Variants in PRR36 observed in about 807,000 individuals in gnomAD.
The protein encoded by PRR36 is proline-rich protein 36.
PRR36 carries 30 observed loss-of-function variants against 58.6 expected under a neutral mutation model. The observed-to-expected ratio is 0.51, with a 90% confidence interval of 0.38 to 0.69. The LOEUF is 0.69. Among genes scored for constraint, PRR36 ranks in the 30% least tolerant of loss-of-function variants. The pLI is 0.00. For synonymous variants in PRR36, 771 were observed against 829.3 expected (o/e 0.93, Z 1.21); for missense variants, 1,692 against 1,805.6 (o/e 0.94, Z 1.14).
At position 7,870,113 on chromosome 19, in the gene PRR36, G is replaced by A; in HGVS notation, c.3131C>T (p.Ser1044Phe). 6.7e-7 allele frequency: 1 copy of A among 1,484,718 alleles called. No individual in the cohort carries two copies. Among genetic ancestry groups the A allele is most frequent in the Non-Finnish European group, 8.9e-7 (1 of 1,124,338 alleles). 92.0% of individuals were successfully genotyped at this position (1,484,718 alleles called of 1,614,324 possible). Residue 1044 changes from serine to phenylalanine, a missense_variant, in exon 5 of 6, where the codon TCT becomes TTT. Physicochemically the swap from Ser to Phe is radical, Grantham distance 155. Transcript: ENST00000618550. The stretch of plus-strand genomic sequence containing the variant: ...CTGTGGAGGAGGCGTGGCCAAAGGA[G>A]ACATTGGGAGTGAGGCAGAGGGTGA... ...PFSPSASLPM[S>F]PLATPPPQAP...
rs188777760 is a variant in PRR36 at position 7,873,263 on chromosome 19, G to A, written c.308C>T (p.Ala103Val). Residue 103 changes from alanine (A) to valine (V), a missense_variant, in exon 3 of 6, where the codon GCT becomes GTT. By Grantham distance (64) the Ala-to-Val change is moderately conservative. This residue lies in a region of PRR36 where 975 missense variants were observed against 955.2 expected (regional missense o/e 1.02). Coordinates refer to ENST00000618550, the MANE Select transcript of PRR36 (RefSeq NM_001190467.2). This position sits in a 1 kb window ranked among gnomAD's most constrained non-coding sequence, Gnocchi z 5.0. ...TGGGCTGGTGTTCTTGGCAGGAGGA[G>A]CTCTCTCCCCTCTCCCAGAGGCTGG... ...RPPASGRGERAPPAKNTSPGP... is the reference protein window; with the variant it reads ...RPPASGRGERVPPAKNTSPGP... 6.5e-7 allele frequency: 1 copy of A among 1,535,940 alleles called. No homozygotes were observed.
At position 7,870,775 on chromosome 19, in the gene PRR36, G is replaced by T; in HGVS notation, c.2469C>A (p.Pro823=). Residue 823 remains proline (P), a synonymous_variant, in exon 5 of 6, where the codon CCC becomes CCA. Coordinates refer to ENST00000618550, the MANE Select transcript of PRR36 (RefSeq NM_001190467.2). ...PPQAPPALAS[P]PLQGLPSPPL... is the part of the protein sequence containing the mutation. ...GGGGAGAGGGCAGGCCCTGCAAAGG[G>T]GGTGAGGCCAGAGCAGGTGGGGCCT... 1 of 1,411,344 alleles carries T rather than the reference G, an allele frequency of 7.1e-7. No homozygotes were observed. Among genetic ancestry groups the T allele is most frequent in the Non-Finnish European group, 9.2e-7 (1 of 1,087,004 alleles). 87.4% of individuals were successfully genotyped at this position (1,411,344 alleles called of 1,614,324 possible).
chr19:7,870,964 T>C lies in PRR36; in HGVS notation c.2280A>G (p.Leu760=). 1 of 1,287,944 alleles carries C rather than the reference T, an allele frequency of 7.8e-7. No individual in the cohort carries two copies. Among genetic ancestry groups the C allele is most frequent in the Non-Finnish European group, 1.0e-6 (1 of 999,614 alleles). 79.8% of individuals were successfully genotyped at this position (1,287,944 alleles called of 1,614,324 possible). ...GCAGAGGAGGCGGGGCTAGAGAAGG[T>C]AGGTTCTCCAGAGGGGGTGTGGTCA... is the stretch of plus-strand genomic sequence containing the variant. ...APLTTPPLEN[L]PSLAPPPLQT... The change falls in exon 5 of 6, where the codon CTA becomes CTG. Residue 760 remains leucine (L), a synonymous_variant. Coordinates refer to ENST00000618550, the MANE Select transcript of PRR36 (RefSeq NM_001190467.2).
At position 7,869,454 on chromosome 19, in the gene PRR36, G is replaced by A. The variant is rs1300906504; in HGVS notation, c.3620C>T (p.Thr1207Ile). The change falls in exon 6 of 6, where the codon ACC becomes ATC. Residue 1207 changes from threonine to isoleucine, a missense_variant. Thr to Ile is a moderately conservative substitution (Grantham distance 89, BLOSUM62 -1). This residue lies in a region of PRR36 where 485 missense variants were observed against 549.2 expected (regional missense o/e 0.88). Coordinates refer to ENST00000618550, the MANE Select transcript of PRR36 (RefSeq NM_001190467.2). Reference protein sequence around the residue: ...IYETEGPESATPAPGALDPGP... With the variant: ...IYETEGPESAIPAPGALDPGP... ...CGGATCCAGTGCGCCAGGGGCGGGG[G>A]TCGCCGACTCGGGCCCTTCAGTCTC... 1.5e-5 allele frequency: 23 copies of A among 1,503,268 alleles called. No individual in the cohort carries two copies. The highest frequency in any genetic ancestry group is 8.7e-5 in the African/African-American group (6 of 68,954). The allele number at this position is 1,503,268 out of a possible 1,614,324, so 93.1% of individuals were successfully genotyped here.
Position 7,870,015 on chromosome 19 carries a change from GGGCC to G in PRR36, c.3225_3228del (p.Gln1075HisfsTer19). 7.1e-7 allele frequency: 1 copy of G among 1,415,148 alleles called. No individual in the cohort carries two copies. The highest frequency in any genetic ancestry group is 9.2e-7 in the Non-Finnish European group (1 of 1,090,524). The allele number at this position is 1,415,148 out of a possible 1,614,324, so 87.7% of individuals were successfully genotyped here. On this transcript the variant is annotated frameshift_variant, in exon 5 of 6. Transcript: ENST00000618550. LOFTEE classifies it high-confidence loss of function. ...GGACCCGGGGTCGGGGGGCGGCGTGGGGCCTGCAGGGTGGGTGAGGCAGGGGGAG... is the reference window on the plus strand; with the variant it reads ...GGACCCGGGGTCGGGGGGCGGCGTGGTGCAGGGTGGGTGAGGCAGGGGGAG...
rs928096715 is a variant in PRR36 at position 7,872,451 on chromosome 19, C to T, written c.793G>A (p.Ala265Thr). 2.1e-6 allele frequency: 3 copies of T among 1,460,780 alleles called. No individual in the cohort carries two copies. The African/African-American group carries it at 4.3e-5, about 21-fold the overall frequency. The allele number at this position is 1,460,780 out of a possible 1,614,324, so 90.5% of individuals were successfully genotyped here. ...SGPSARGTPR[A>T]PAHPSQPKPK... ...TTGGGCTGCGAGGGATGCGCAGGAGCCCTGGGTGTTCCGCGGGCTGAGGGC... is the reference window on the plus strand; with the variant it reads ...TTGGGCTGCGAGGGATGCGCAGGAGTCCTGGGTGTTCCGCGGGCTGAGGGC... Residue 265 changes from alanine (A) to threonine (T), a missense_variant, in exon 5 of 6, where the codon GCT (alanine) becomes ACT (threonine). By Grantham distance (58) the Ala-to-Thr change is moderately conservative (BLOSUM62 0). Around this residue, in one of 5 missense-constraint regions of PRR36, gnomAD observed 975 missense variants for 955.2 expected, o/e 1.02. Transcript: ENST00000618550. The surrounding 1 kb of genome is among the most constrained non-coding windows in gnomAD (Gnocchi z 6.1).
At position 7,872,286 on chromosome 19, in the gene PRR36, G is replaced by T; in HGVS notation, c.958C>A (p.Pro320Thr). The T allele has an allele frequency of 1.4e-6, 2 of 1,457,428 alleles. No homozygotes were observed. Among genetic ancestry groups the T allele is most frequent in the Non-Finnish European group, 1.8e-6 (2 of 1,111,214 alleles). 90.3% of individuals were successfully genotyped at this position (1,457,428 alleles called of 1,614,324 possible). A position where few individuals can be genotyped will look rare whatever the true frequency, so the allele number is the denominator to read the frequency against. Residue 320 changes from proline (P) to threonine (T), a missense_variant, in exon 5 of 6, where the codon CCC becomes ACC. By Grantham distance (38) the Pro-to-Thr change is conservative. Transcript: ENST00000618550. This position sits in a 1 kb window ranked among gnomAD's most constrained non-coding sequence, Gnocchi z 6.1. The part of the protein sequence containing the change: ...SGTKARPVPP[P>T]DNAATPLPAT... The stretch of plus-strand genomic sequence containing the variant: ...GGCAGGGGAGTGGCTGCATTGTCGG[G>T]AGGCGGTACGGGTCTTGCCTTGGTA...
Position 7,873,770 on chromosome 19 carries a change from C to T in PRR36, c.-7-74G>A, listed in dbSNP as rs1980582950. ...CCTCCAGAGACCTGGACCCTGCTAC[C>T]TCACTGCCCTTTCGCAGCATCGCCA... On this transcript the variant is annotated intron_variant, in intron 1 of 5. Transcript: ENST00000618550. This position sits in a 1 kb window ranked among gnomAD's most constrained non-coding sequence, Gnocchi z 5.0. 2.2e-6 allele frequency: 3 copies of T among 1,393,694 alleles called. No individual in the cohort carries two copies. The East Asian group carries it at 7.5e-5, about 35-fold the overall frequency. The allele number at this position is 1,393,694 out of a possible 1,614,324, so 86.3% of individuals were successfully genotyped here. A position where few individuals can be genotyped will look rare whatever the true frequency, so the allele number is the denominator to read the frequency against.
chr19:7,872,046 T>C lies in PRR36; in HGVS notation c.1198A>G (p.Thr400Ala), dbSNP rs1275475820. Residue 400 changes from threonine to alanine, a missense_variant, in exon 5 of 6, where the codon ACA (threonine) becomes GCA (alanine). Physicochemically the swap from Thr to Ala is moderately conservative, Grantham distance 58. Transcript: ENST00000618550. The surrounding 1 kb of genome is among the most constrained non-coding windows in gnomAD (Gnocchi z 6.1). ...PATPPSQVPP[T>A]QLIMSFPEAG... ...TCTGGAAAGGACATAATCAGCTGTG[T>C]GGGTGGAACTTGCGAGGGGGGCGTG... The C allele has an allele frequency of 1.2e-5, 18 of 1,524,080 alleles. No individual in the cohort carries two copies. In the Admixed American group the frequency reaches 2.4e-4, roughly 20 times the overall value. The allele number at this position is 1,524,080 out of a possible 1,614,324, so 94.4% of individuals were successfully genotyped here.
chr19:7,869,559 G>A lies in PRR36; in HGVS notation c.3530-15C>T, dbSNP rs1409258881. The A allele has an allele frequency of 4.0e-6, 6 of 1,516,052 alleles. No homozygotes were observed. The highest frequency in any genetic ancestry group is 1.2e-5 in the South Asian group (1 of 82,848). The allele number at this position is 1,516,052 out of a possible 1,614,324, so 93.9% of individuals were successfully genotyped here. A position where few individuals can be genotyped will look rare whatever the true frequency, so the allele number is the denominator to read the frequency against. On this transcript the variant is annotated splice_polypyrimidine_tract_variant and intron_variant, in intron 5 of 5. Transcript: ENST00000618550. ...CAGGGGCGCACCTGCGGGGAGAGAC[G>A]CCAGGTGGGCCGTGGGGGTGATAAG...
At position 7,870,657 on chromosome 19, in the gene PRR36, G is replaced by C. The variant is rs554543027; in HGVS notation, c.2587C>G (p.Pro863Ala). Reference sequence around the variant, plus strand: ...GAGGGTGTGGCCAAAGGAGACAGAGGGGGTGAGGCAGGGGGAGAGGGAGGG... The same window carrying C: ...GAGGGTGTGGCCAAAGGAGACAGAGCGGGTGAGGCAGGGGGAGAGGGAGGG... Reference protein sequence around the residue: ...QAPPSPPASPPLSPLATPSPQ... With the variant: ...QAPPSPPASPALSPLATPSPQ... The change falls in exon 5 of 6, where the codon CCT (proline) becomes GCT (alanine). Residue 863 changes from proline to alanine, a missense_variant. Physicochemically the swap from Pro to Ala is conservative, Grantham distance 27. Coordinates refer to ENST00000618550, the MANE Select transcript of PRR36 (RefSeq NM_001190467.2). 12 of 1,367,086 alleles carry C rather than the reference G, an allele frequency of 8.8e-6. 1 individual carries two copies. In the Middle Eastern group the frequency reaches 5.8e-4, roughly 66 times the overall value. 84.7% of individuals were successfully genotyped at this position (1,367,086 alleles called of 1,614,324 possible). A position where few individuals can be genotyped will look rare whatever the true frequency, so the allele number is the denominator to read the frequency against.
chr19:7,873,387 G>A lies in PRR36; in HGVS notation c.271+32C>T, dbSNP rs1980555560. ...AGGTATTGGAAGGGGGAGGGAAGAT[G>A]GGGGCGGAGCTGAGGAAGGAGGCTG... On this transcript the variant is annotated intron_variant, in intron 2 of 5. Transcript: ENST00000618550. This position sits in a 1 kb window ranked among gnomAD's most constrained non-coding sequence, Gnocchi z 5.0. 3 of 1,517,766 alleles carry A rather than the reference G, an allele frequency of 2.0e-6. No homozygotes were observed. Among genetic ancestry groups the A allele is most frequent in the East Asian group, 2.5e-5 (1 of 40,590 alleles). The allele number at this position is 1,517,766 out of a possible 1,614,324, so 94.0% of individuals were successfully genotyped here. A position where few individuals can be genotyped will look rare whatever the true frequency, so the allele number is the denominator to read the frequency against.
In PRR36 at chr19:7,870,004, G is replaced by C; in HGVS notation, c.3240C>G (p.Pro1080=). ...CGGAGGTATCCGGACCCGGGGTCGG[G>C]GGGCGGCGTGGGGCCTGCAGGGTGG... ...ASPTLQAPRR[P]PTPGPDTSVS... is the part of the protein sequence containing the mutation. The change falls in exon 5 of 6, where the codon CCC becomes CCG. Residue 1080 remains proline, a synonymous_variant. Transcript: ENST00000618550. The C allele has an allele frequency of 7.1e-7, 1 of 1,408,332 alleles. No individual in the cohort carries two copies. Among genetic ancestry groups the C allele is most frequent in the Non-Finnish European group, 9.2e-7 (1 of 1,087,668 alleles). The allele number at this position is 1,408,332 out of a possible 1,614,324, so 87.2% of individuals were successfully genotyped here.
Position 7,871,407 on chromosome 19 carries a change from C to A in PRR36, c.1837G>T (p.Ala613Ser). Residue 613 changes from alanine to serine, a missense_variant, in exon 5 of 6, where the codon GCC (alanine) becomes TCC (serine). Physicochemically the swap from Ala to Ser is moderately conservative, Grantham distance 99. Coordinates refer to ENST00000618550, the MANE Select transcript of PRR36 (RefSeq NM_001190467.2). ...GTGGGTGAGCCCAAAGAAGTTGTGG[C>A]CTGCAGAGAGGACAAAGCCAGAGGA... ...PSPLALSSLQ[A>S]TTSLGSPTLQ... 6.5e-7 allele frequency: 1 copy of A among 1,535,234 alleles called. No homozygotes were observed. Among genetic ancestry groups the A allele is most frequent in the Middle Eastern group, 1.7e-4 (1 of 5,988 alleles).
chr19:7,872,003 A>G lies in PRR36; in HGVS notation c.1241T>C (p.Leu414Pro), dbSNP rs1980474315. Residue 414 changes from leucine to proline, a missense_variant, in exon 5 of 6, where the codon CTG (leucine) becomes CCG (proline). By Grantham distance (98) the Leu-to-Pro change is moderately conservative (BLOSUM62 -3). Coordinates refer to ENST00000618550, the MANE Select transcript of PRR36 (RefSeq NM_001190467.2). The surrounding 1 kb of genome is among the most constrained non-coding windows in gnomAD (Gnocchi z 6.1). ...TGAAGCCACAAAAGCGGCTGTGGCC[A>G]GGGAAGAGACGCCTGCTTCTGGAAA... The part of the protein sequence containing the change: ...MSFPEAGVSS[L>P]ATAAFVASVS... 1 of 1,535,358 alleles carries G rather than the reference A, an allele frequency of 6.5e-7. No individual in the cohort carries two copies. Among genetic ancestry groups the G allele is most frequent in the Non-Finnish European group, 8.7e-7 (1 of 1,146,774 alleles).
In PRR36 at chr19:7,869,741, G is replaced by C; in HGVS notation, c.3503C>G (p.Pro1168Arg). ...HPAAWSRGPA[P>R]PLAFRGAPGA... is the part of the protein sequence containing the mutation. ...TGGGGCTCCGCGGAAAGCCAGCGGC[G>C]GAGCGGGGCCTCGACTCCAGGCAGC... The change falls in exon 5 of 6, where the codon CCG becomes CGG. Residue 1168 changes from proline (P) to arginine (R), a missense_variant. Physicochemically the swap from Pro to Arg is moderately radical, Grantham distance 103. Coordinates refer to ENST00000618550, the MANE Select transcript of PRR36 (RefSeq NM_001190467.2). The C allele has an allele frequency of 5.2e-6, 7 of 1,347,348 alleles. No homozygotes were observed. Among genetic ancestry groups the C allele is most frequent in the Non-Finnish European group, 5.7e-6 (6 of 1,054,118 alleles). 83.5% of individuals were successfully genotyped at this position (1,347,348 alleles called of 1,614,324 possible).
At position 7,871,695 on chromosome 19, in the gene PRR36, T is replaced by A. The variant is rs1232652734; in HGVS notation, c.1549A>T (p.Thr517Ser). 3 of 1,530,334 alleles carry A rather than the reference T, an allele frequency of 2.0e-6. No individual in the cohort carries two copies. The highest frequency in any genetic ancestry group is 1.4e-5 in the African/African-American group (1 of 70,818). The allele number at this position is 1,530,334 out of a possible 1,614,324, so 94.8% of individuals were successfully genotyped here. A position where few individuals can be genotyped will look rare whatever the true frequency, so the allele number is the denominator to read the frequency against. Reference protein sequence around the residue: ...SLQATPHTLATLPLQDSPLLA... With the variant: ...SLQATPHTLASLPLQDSPLLA... ...AGAGGAGAGTCCTGCAGAGGAAGAGTGGCCAGAGTGTGGGGCGTGGCCTGG... is the reference window on the plus strand; with the variant it reads ...AGAGGAGAGTCCTGCAGAGGAAGAGAGGCCAGAGTGTGGGGCGTGGCCTGG... The change falls in exon 5 of 6, where the codon ACT becomes TCT. Residue 517 changes from threonine (T) to serine (S), a missense_variant. By Grantham distance (58) the Thr-to-Ser change is moderately conservative. Around this residue, in one of 5 missense-constraint regions of PRR36, gnomAD observed 975 missense variants for 955.2 expected, o/e 1.02. Coordinates refer to ENST00000618550, the MANE Select transcript of PRR36 (RefSeq NM_001190467.2).
In PRR36 at chr19:7,872,199, C is replaced by T. The variant is rs1210443953; in HGVS notation, c.1045G>A (p.Ala349Thr). Residue 349 changes from alanine to threonine, a missense_variant, in exon 5 of 6, where the codon GCC (alanine) becomes ACC (threonine). Physicochemically the swap from Ala to Thr is moderately conservative, Grantham distance 58 (BLOSUM62 0). This residue lies in a region of PRR36 where 975 missense variants were observed against 955.2 expected (regional missense o/e 1.02). Coordinates refer to ENST00000618550, the MANE Select transcript of PRR36 (RefSeq NM_001190467.2). The surrounding 1 kb of genome is among the most constrained non-coding windows in gnomAD (Gnocchi z 6.1). ...GGCGTGGCCGGCAGGGTGGGCGGGG[C>T]CTGACTTTGGAGAGCGGCTGGCGGA... ...PPPPAALQSQ[A>T]PPTLPATPHS... The T allele has an allele frequency of 3.5e-6, 5 of 1,448,564 alleles. No individual in the cohort carries two copies. Among genetic ancestry groups the T allele is most frequent in the Non-Finnish European group, 4.5e-6 (5 of 1,104,408 alleles). The allele number at this position is 1,448,564 out of a possible 1,614,324, so 89.7% of individuals were successfully genotyped here. A position where few individuals can be genotyped will look rare whatever the true frequency, so the allele number is the denominator to read the frequency against.
Position 7,872,679 on chromosome 19 carries a change from G to C in PRR36, c.565C>G (p.Leu189Val). 1 of 1,452,234 alleles carries C rather than the reference G, an allele frequency of 6.9e-7. No individual in the cohort carries two copies. The highest frequency in any genetic ancestry group is 9.0e-7 in the Non-Finnish European group (1 of 1,108,004). The allele number at this position is 1,452,234 out of a possible 1,614,324, so 90.0% of individuals were successfully genotyped here. A position where few individuals can be genotyped will look rare whatever the true frequency, so the allele number is the denominator to read the frequency against. Residue 189 changes from leucine (L) to valine (V), a missense_variant, in exon 5 of 6, where the codon CTC (leucine) becomes GTC (valine). Physicochemically the swap from Leu to Val is conservative, Grantham distance 32. This residue lies in a region of PRR36 where 975 missense variants were observed against 955.2 expected (regional missense o/e 1.02). Transcript: ENST00000618550. This position sits in a 1 kb window ranked among gnomAD's most constrained non-coding sequence, Gnocchi z 6.1. Reference sequence around the variant, plus strand: ...CGGGCACTCGGAGCTGGCCGGGGGAGCCCCACCTCGGTGCCCGCAGCCCGG... The same window carrying C: ...CGGGCACTCGGAGCTGGCCGGGGGACCCCCACCTCGGTGCCCGCAGCCCGG... ...RSRAAGTEVG[L>V]PRPAPSARPR...
Sources: allele counts gnomAD v4.1 joint callset, GRCh38; gene constraint gnomAD v4.1.1; regional missense constraint gnomAD v4.1.1; non-coding constraint Gnocchi (gnomAD v3.1); transcripts MANE v1.5; gene names NCBI Gene and HGNC (gene_info 2026-07-23, HGNC 2026-07-21).